SEMA4A: variants seen among roughly 807,000 people sequenced by gnomAD.
SEMA4A encodes the protein semaphorin 4A.
A neutral mutation model predicts 72.5 loss-of-function variants in SEMA4A; 52 were observed. The observed-to-expected ratio is 0.72, with a 90% CI of 0.57 to 0.90. The LOEUF (loss-of-function observed/expected upper bound fraction) is 0.90. Among genes scored for constraint, SEMA4A ranks in the 40% least tolerant of loss-of-function variants. The probability of loss-of-function intolerance (pLI) is 0.00; values close to 1 mark genes in which losing one functional copy is unlikely to be tolerated. For synonymous variants in SEMA4A, 369 were observed against 393.1 expected (o/e 0.94, Z 0.73); for missense variants, 926 against 959.7 (o/e 0.96, Z 0.46).
chr1:156,156,745 CTTT>C (rs3055907), intron 3 of SEMA4A, among the ~76,000 whole-genome samples, 171 bp downstream of exon 3: 68 of 141,132 alleles, frequency 4.8e-4, no homozygotes, highest in Admixed American at 4.9e-4. Context: ...CGTGGCCTCA[CTTT>C]TTTTTTTTTT....
In SEMA4A at chr1:156,173,751, G is replaced by A. The variant is rs114261528; in HGVS notation, c.1315+745G>A. On this transcript the variant is annotated intron_variant, in intron 11 of 14. Coordinates refer to ENST00000368285, the MANE Select transcript of SEMA4A (RefSeq NM_022367.4). ...TTCTCTATGTAGGTGGAGGACACAA[G>A]GTCATGAGCTGGGAGTGAGGGGGCA... 3.6e-3 allele frequency among the ~76,000 whole-genome samples: 551 copies of A among 152,218 alleles called. 3 individuals are homozygous for A. The highest frequency in any genetic ancestry group is 0.012 in the African/African-American group (518 of 41,526).
At chr1:156,154,492 C>CG (rs1652814407) in intron 1 of SEMA4A, 58 bp from the exon 2 acceptor site, 5 of 1,489,590 alleles carry the variant, frequency 3.4e-6, no homozygotes, top group East Asian at 2.4e-5. Flanking sequence ...TATTGGTCCT[C>CG]GGGGGGATGT....
At chr1:156,159,836 G>A (rs114860880) in intron 6 of SEMA4A, among the ~76,000 whole-genome samples, 296 of 151,384 alleles carry the variant, frequency 2.0e-3, no homozygotes, top group Non-Finnish European at 3.6e-3. Flanking sequence ...TGAGGTGGGA[G>A]GATCGCTTGA....
chr1:156,163,034 C>A lies in SEMA4A; in HGVS notation c.1074C>A (p.Asn358Lys), dbSNP rs775354645. Reference protein sequence around the residue: ...RVFKGKYKELNKETSRWTTYR... With the variant: ...RVFKGKYKELKKETSRWTTYR... ...TTAAGGGGAAATACAAAGAGTTGAA[C>A]AAAGAAACTTCACGCTGGACTACTT... Residue 358 changes from asparagine to lysine, a missense_variant, in exon 10 of 15, where the codon AAC becomes AAA. Coordinates refer to ENST00000368285, the MANE Select transcript of SEMA4A (RefSeq NM_022367.4). 1.2e-6 allele frequency: 2 copies of A among 1,614,174 alleles called. No homozygotes were observed. The highest frequency in any genetic ancestry group is 1.7e-6 in the Non-Finnish European group (2 of 1,180,016).
rs1224124546 is a variant in SEMA4A at position 156,172,883 on chromosome 1, A to C, written c.1192A>C (p.Met398Leu). The change falls in exon 11 of 15, where the codon ATG (methionine) becomes CTG (leucine). Residue 398 changes from methionine to leucine, a missense_variant. Physicochemically the swap from Met to Leu is conservative, Grantham distance 15. Coordinates refer to ENST00000368285, the MANE Select transcript of SEMA4A (RefSeq NM_022367.4). Reference protein sequence around the residue: ...ALTFMKDHFLMDEQVVGTPLL... With the variant: ...ALTFMKDHFLLDEQVVGTPLL... The stretch of plus-strand genomic sequence containing the variant: ...GACCTTCATGAAGGACCATTTCCTG[A>C]TGGATGAGCAAGTGGTGGGGACGCC... The C allele has an allele frequency of 6.2e-7, 1 of 1,614,100 alleles. No individual in the cohort carries two copies. Among genetic ancestry groups the C allele is most frequent in the East Asian group, 2.2e-5 (1 of 44,874 alleles).
intron 8 of SEMA4A, 158 bp downstream of exon 8, chr1:156,161,187 G>A: frequency 4.2e-6 from 2 of 473,004 alleles, no homozygotes; most frequent in Non-Finnish European, 3.4e-6. Flanking sequence ...GGGCTGGGCG[G>A]GTGGGGCGGG....
chr1:156,155,056 A>C, intron 2 of SEMA4A: 1 of 354,122 alleles, frequency 2.8e-6, no homozygotes, highest in Non-Finnish European at 5.3e-6. Flanking sequence ...ACTGCTTCAC[A>C]CTCCCAGGTA....
In SEMA4A at chr1:156,176,465, C is replaced by T; in HGVS notation, c.1754C>T (p.Ala585Val). The change falls in exon 15 of 15, where the codon GCC (alanine) becomes GTC (valine). Residue 585 changes from alanine (A) to valine (V), a missense_variant. By Grantham distance (64) the Ala-to-Val change is moderately conservative. Coordinates refer to ENST00000368285, the MANE Select transcript of SEMA4A (RefSeq NM_022367.4). The part of the protein sequence containing the change: ...ILELPCPHLS[A>V]LASYYWSHGP... ...GAGCTCCCCTGCCCCCACCTGTCAGCCTTGGCCTCTTATTATTGGAGTCAT... is the reference window on the plus strand; with the variant it reads ...GAGCTCCCCTGCCCCCACCTGTCAGTCTTGGCCTCTTATTATTGGAGTCAT... 6.2e-7 allele frequency: 1 copy of T among 1,614,190 alleles called. No homozygotes were observed.
chr1:156,159,297 G>A (rs141792876), intron 6 of SEMA4A, among the ~76,000 whole-genome samples: 2,681 of 152,174 alleles, frequency 0.018, 79 homozygotes, highest in African/African-American at 0.063. Flanking sequence ...TCGCGCCACT[G>A]CACTCCAGCC....
chr1:156,160,255 G>C (rs1303671312), intron 6 of SEMA4A, among the ~76,000 whole-genome samples, 188 bp from the exon 7 acceptor site: 1 of 152,150 alleles, frequency 6.6e-6, no homozygotes, highest in Admixed American at 6.5e-5. Context: ...TTCCTGTGGA[G>C]AGAGGAAGCT....
In SEMA4A at chr1:156,154,649, T is replaced by C; in HGVS notation, c.71T>C (p.Leu24Pro). The part of the protein sequence containing the change: ...LGLFLFQLLQ[L>P]LLPTTTAGGG... ...CTTTTCCTCTTCCAACTGCTTCAGC[T>C]GCTGCTGCCGACGACGACCGCGGGG... Residue 24 changes from leucine to proline, a missense_variant, in exon 2 of 15, where the codon CTG becomes CCG. By Grantham distance (98) the Leu-to-Pro change is moderately conservative. Coordinates refer to ENST00000368285, the MANE Select transcript of SEMA4A (RefSeq NM_022367.4). 6.2e-7 allele frequency: 1 copy of C among 1,608,054 alleles called. No homozygotes were observed.
intron 10 of SEMA4A, among the ~76,000 whole-genome samples, chr1:156,169,513 A>G (rs1654503095): frequency 1.5e-5 from 2 of 136,318 alleles, no homozygotes; most frequent in Non-Finnish European, 3.0e-5. Flanking sequence ...TCCGCCTCCC[A>G]GGTTCATGCC....
At chr1:156,174,697 C>A in intron 11 of SEMA4A, 125 bp from the exon 12 acceptor site, 1 of 1,098,490 alleles carries the variant, frequency 9.1e-7, no homozygotes, top group Non-Finnish European at 1.4e-6. Flanking sequence ...AATGATCTGG[C>A]TGACCCGCGC....
chr1:156,166,882 T>C (rs574402880), intron 10 of SEMA4A, among the ~76,000 whole-genome samples: 2 of 151,680 alleles, frequency 1.3e-5, no homozygotes, highest in Non-Finnish European at 2.9e-5. Context: ...TGAGCCAAGA[T>C]GGTGCCACTG....
chr1:156,165,031 C>T (rs1481380218), intron 10 of SEMA4A, among the ~76,000 whole-genome samples: 2 of 152,102 alleles, frequency 1.3e-5, no homozygotes, highest in African/African-American at 4.8e-5. Context: ...TAACTCCTGA[C>T]CTCAGTTGAT....
In SEMA4A at chr1:156,160,932, C is replaced by A; in HGVS notation, c.713C>A (p.Pro238His). The A allele has an allele frequency of 6.2e-7, 1 of 1,613,624 alleles. No homozygotes were observed. Residue 238 changes from proline (P) to histidine (H), a missense_variant, in exon 8 of 15, where the codon CCT (proline) becomes CAT (histidine). By Grantham distance (77) the Pro-to-His change is moderately conservative (BLOSUM62 -2). Transcript: ENST00000368285. ...GACGCCTCCTTTGTGGCAGCCATCC[C>A]TTCGACCCAGGTCGTCTACTTCTTC... ...HHDASFVAAI[P>H]STQVVYFFFE...
Position 156,175,200 on chromosome 1 carries a change from G to A in SEMA4A, c.1549G>A (p.Asp517Asn), listed in dbSNP as rs1007817676. The A allele has an allele frequency of 6.2e-7, 1 of 1,613,954 alleles. No homozygotes were observed. Among genetic ancestry groups the A allele is most frequent in the African/African-American group, 1.3e-5 (1 of 74,908 alleles). ...VLARDPHCAWDPESRTCCLLS... is the reference protein window; with the variant it reads ...VLARDPHCAWNPESRTCCLLS... The stretch of plus-strand genomic sequence containing the variant: ...TGCCCGGGACCCCCACTGTGCCTGG[G>A]ACCCTGAGTCCCGAACCTGTTGCCT... Residue 517 changes from aspartate to asparagine, a missense_variant, in exon 13 of 15, where the codon GAC (aspartate) becomes AAC (asparagine). Asp to Asn is a conservative substitution (Grantham distance 23, BLOSUM62 1). Coordinates refer to ENST00000368285, the MANE Select transcript of SEMA4A (RefSeq NM_022367.4).
rs746523236 is a variant in SEMA4A at position 156,161,306 on chromosome 1, G to GGGCGGGA, written c.811-36_811-35insGGAGGCG. 45 of 1,335,744 alleles carry GGGCGGGA rather than the reference G, an allele frequency of 3.4e-5. 7 individuals are homozygous for GGGCGGGA. The highest frequency in any genetic ancestry group is 2.9e-4 in the South Asian group (21 of 71,738). The allele number at this position is 1,335,744 out of a possible 1,614,324, so 82.7% of individuals were successfully genotyped here. A position where few individuals can be genotyped will look rare whatever the true frequency, so the allele number is the denominator to read the frequency against. Reference sequence around the variant, plus strand: ...GAGGACACGCGGGGCTGGGGGGTCGGGGCGCCCGGGGCGCCCCCTGACTCC... The same window carrying GGGCGGGA: ...GAGGACACGCGGGGCTGGGGGGTCGGGGCGGGAGGCGCCCGGGGCGCCCCCTGACTCC... On this transcript the variant is annotated intron_variant, in intron 8 of 14. Coordinates refer to ENST00000368285, the MANE Select transcript of SEMA4A (RefSeq NM_022367.4).
intron 10 of SEMA4A, among the ~76,000 whole-genome samples, chr1:156,167,961 C>T (rs951088633): frequency 5.3e-5 from 8 of 152,134 alleles, no homozygotes; most frequent in African/African-American, 1.9e-4. Context: ...CACTCTGTTG[C>T]CCAGGCTGGA....
Sources: gnomAD v4.1 joint callset for allele counts (sites outside exome capture counted in the v4.1 genomes callset) on GRCh38, gnomAD v4.1.1 for gene constraint, MANE v1.5 for transcripts, NCBI Gene and HGNC (gene_info 2026-07-23, HGNC 2026-07-21) for gene names.